The following SV2C variants were observed in gnomAD, a reference collection of about 807,000 sequenced individuals.
SV2C encodes the protein solute carrier family 22 member B3.
In SV2C, 49 loss-of-function variants were observed where a neutral mutation model predicts 79.7. That is an observed-to-expected ratio of 0.61 (90% CI 0.49 to 0.78). SV2C has a LOEUF of 0.78. SV2C is among the 30% of genes least tolerant of loss of function. The probability of loss-of-function intolerance (pLI) is 0.00; values close to 1 mark genes in which losing one functional copy is unlikely to be tolerated. For synonymous variants in SV2C, 334 were observed against 333.2 expected (o/e 1.00, Z -0.03); for missense variants, 833 against 912.9 (o/e 0.91, Z 1.13).
chr5:76,159,728 A>G (rs1742842298), intron 2 of SV2C, among the ~76,000 whole-genome samples: 1 of 151,972 alleles, frequency 6.6e-6, no homozygotes, highest in Admixed American at 6.6e-5. Flanking sequence ...ATCATATTAG[A>G]TTAAGGGCCT....
At chr5:76,033,369 C>T in the SV2C span, among the ~76,000 whole-genome samples, 2 of 152,238 alleles carry the variant, frequency 1.3e-5, no homozygotes, top group South Asian at 4.1e-4. Context: ...TCTAGGGTTT[C>T]TATGGTATTA....
the SV2C span, among the ~76,000 whole-genome samples, chr5:75,899,589 G>A: frequency 0.058 from 8,824 of 152,050 alleles, 313 homozygotes; most frequent in Admixed American, 0.083. Flanking sequence ...GGTCCGCTTG[G>A]TGCAGAGCTG....
chr5:76,131,672 A>G lies in SV2C; in HGVS notation c.-79A>G. On this transcript the variant is annotated 5_prime_UTR_variant, in exon 2 of 13. The change abolishes an upstream ATG in the 5' untranslated region. Transcript: ENST00000502798. ...CAGTTCTGTTTTGAACCCAAAGTGG[A>G]TGATGCTGTCAGAGCTGAACCACTG... 8.1e-7 allele frequency: 1 copy of G among 1,229,162 alleles called. No individual in the cohort carries two copies. The highest frequency in any genetic ancestry group is 1.1e-6 in the Non-Finnish European group (1 of 884,946). 76.1% of individuals were successfully genotyped at this position (1,229,162 alleles called of 1,614,324 possible).
At chr5:76,309,871 G>A (rs1748362706) in intron 12 of SV2C, among the ~76,000 whole-genome samples, 1 of 152,082 alleles carries the variant, frequency 6.6e-6, no homozygotes, top group African/African-American at 2.4e-5. Flanking sequence ...GCATTTTGAG[G>A]CTGGGACACA....
chr5:76,024,328 A>G, the SV2C span, among the ~76,000 whole-genome samples: 2 of 152,100 alleles, frequency 1.3e-5, no homozygotes, highest in African/African-American at 4.8e-5. Context: ...CAAAATATAT[A>G]TATTTGCTGG....
chr5:76,346,588 TTA>T (rs886903285), intron 12 of SV2C, among the ~76,000 whole-genome samples: 5 of 152,188 alleles, frequency 3.3e-5, no homozygotes, highest in African/African-American at 7.2e-5. Flanking sequence ...GGTCAGTACT[TTA>T]TGTTATTTCA....
chr5:76,093,273 C>T (rs1010597799), intron 1 of SV2C, among the ~76,000 whole-genome samples: 6 of 152,122 alleles, frequency 3.9e-5, no homozygotes, highest in Admixed American at 1.3e-4. Flanking sequence ...ATCAAGTTCT[C>T]CCTCTCCTGC....
At chr5:75,856,273 T>A in the SV2C span, among the ~76,000 whole-genome samples, 1 of 152,200 alleles carries the variant, frequency 6.6e-6, no homozygotes, top group Non-Finnish European at 1.5e-5. Context: ...AGAGATCTCT[T>A]CCATGTACTG....
At position 76,348,793 on chromosome 5, in the gene SV2C, G is replaced by A. The variant is rs181094178; in HGVS notation, c.2001-4337G>A. Among the ~76,000 whole-genome samples, 692 of 152,248 alleles carry A rather than the reference G, an allele frequency of 4.5e-3. 3 individuals are homozygous for A. Among genetic ancestry groups the A allele is most frequent in the Non-Finnish European group, 7.5e-3 (513 of 68,016 alleles). On this transcript the variant is annotated intron_variant, in intron 12 of 12. Coordinates refer to the SV2C transcript ENST00000322285. Reference sequence around the variant, plus strand: ...AGGCAGGTAGATCACAAGATCAGGAGTTCAAGACCAGCCTGGCCAAGATGG... The same window carrying A: ...AGGCAGGTAGATCACAAGATCAGGAATTCAAGACCAGCCTGGCCAAGATGG...
intron 2 of SV2C, among the ~76,000 whole-genome samples, chr5:76,158,698 C>A (rs1199083198): frequency 2.0e-5 from 3 of 151,880 alleles, no homozygotes; most frequent in Non-Finnish European, 4.4e-5. Flanking sequence ...GCCAACAATA[C>A]CTAGTAGACA....
the SV2C span, among the ~76,000 whole-genome samples, chr5:75,848,429 A>T: frequency 6.6e-6 from 1 of 152,308 alleles, no homozygotes; most frequent in East Asian, 1.9e-4. Flanking sequence ...GGACTCAGAA[A>T]CTGCCCTGGG....
At chr5:76,020,803 A>G in the SV2C span, among the ~76,000 whole-genome samples, 1 of 152,136 alleles carries the variant, frequency 6.6e-6, no homozygotes, top group African/African-American at 2.4e-5. Flanking sequence ...TGGGTTAAGA[A>G]AGCAGGTGTG....
rs1748999976 is a variant in SV2C at position 76,326,462 on chromosome 5, G to A, written c.*915G>A. 1 of 152,214 alleles carries A rather than the reference G, an allele frequency of 6.6e-6. No homozygotes were observed. Among genetic ancestry groups the A allele is most frequent in the African/African-American group, 2.4e-5 (1 of 41,468 alleles). 9.4% of individuals were successfully genotyped at this position (152,214 alleles called of 1,614,324 possible). On this transcript the variant is annotated 3_prime_UTR_variant, in exon 13 of 13. Coordinates refer to ENST00000502798, the MANE Select transcript of SV2C (RefSeq NM_014979.4). ...ACTGTCTCTAGTCTAGAGATTGCCA[G>A]TGGATAGCTAAATTGTAAATTGCAA... is the stretch of plus-strand genomic sequence containing the variant.
the SV2C span, among the ~76,000 whole-genome samples, chr5:75,907,034 T>C: frequency 6.6e-6 from 1 of 152,158 alleles, no homozygotes; most frequent in Admixed American, 6.5e-5. Context: ...CTGGTGGAGA[T>C]GTTTCAAGAG....
intron 2 of SV2C, among the ~76,000 whole-genome samples, chr5:76,161,259 C>T (rs1742889900): frequency 6.6e-6 from 1 of 152,092 alleles, no homozygotes; most frequent in South Asian, 2.1e-4. Context: ...GGAAGGAAAC[C>T]AGTCACAAAA....
the SV2C span, among the ~76,000 whole-genome samples, chr5:76,044,766 GT>G: frequency 6.6e-6 from 1 of 151,912 alleles, no homozygotes; most frequent in East Asian, 1.9e-4. Context: ...TGGGTTGTTT[GT>G]TTTTTTCTTG....
intron 1 of SV2C, among the ~76,000 whole-genome samples, chr5:76,130,600 A>G (rs1748855930): frequency 6.6e-6 from 1 of 152,192 alleles, no homozygotes; most frequent in South Asian, 2.1e-4. Flanking sequence ...ACAAGGATGA[A>G]CCTGTCAGTG....
chr5:76,130,501 A>G (rs1334123743), intron 1 of SV2C, among the ~76,000 whole-genome samples: 1 of 152,234 alleles, frequency 6.6e-6, no homozygotes, highest in Non-Finnish European at 1.5e-5. Flanking sequence ...GATTATATAA[A>G]TCAATGTTTG....
At chr5:76,076,474 G>C in the SV2C span, among the ~76,000 whole-genome samples, 1 of 152,186 alleles carries the variant, frequency 6.6e-6, no homozygotes, top group African/African-American at 2.4e-5. Context: ...ATCTGCTGGT[G>C]CTACTTCATG....
Sources: allele counts gnomAD v4.1 joint callset (sites outside exome capture counted in the v4.1 genomes callset), GRCh38; gene constraint gnomAD v4.1.1; transcripts MANE v1.5; gene names NCBI Gene and HGNC (gene_info 2026-07-23, HGNC 2026-07-21).